Variants in MEOX2 observed in about 807,000 individuals in gnomAD.
The protein encoded by MEOX2 is homeobox protein MOX-2.
MEOX2 carries 11 observed loss-of-function variants against 27.0 expected under a neutral mutation model. That is an observed-to-expected ratio of 0.41 (90% CI 0.26 to 0.68). The LOEUF (loss-of-function observed/expected upper bound fraction) is 0.68. MEOX2 is among the 30% of genes least tolerant of loss of function. The pLI, the probability that MEOX2 is intolerant of heterozygous loss-of-function variation, is 0.33. For synonymous variants in MEOX2, 189 were observed against 155.4 expected (o/e 1.22, Z -1.61); for missense variants, 436 against 385.4 (o/e 1.13, Z -1.10).
At chr7:15,654,880 A>T (rs1781794233) in intron 1 of MEOX2, among the ~76,000 whole-genome samples, 1 of 151,702 alleles carries the variant, frequency 6.6e-6, no homozygotes, top group Admixed American at 6.6e-5. Flanking sequence ...TTTTGATATT[A>T]CAATAATACT....
Position 15,612,017 on chromosome 7 carries a change from A to G in MEOX2, c.*370T>C. On this transcript the variant is annotated 3_prime_UTR_variant, in exon 3 of 3. Transcript: ENST00000262041. ...CTCACACATCTGGAATGTTCAATGC[A>G]AGTTCATCCTCGGCATCTTCACTCT... 8.0e-6 allele frequency: 2 copies of G among 250,768 alleles called. No individual in the cohort carries two copies. Among genetic ancestry groups the G allele is most frequent in the Non-Finnish European group, 1.6e-5 (2 of 126,382 alleles). The allele number at this position is 250,768 out of a possible 1,614,324, so 15.5% of individuals were successfully genotyped here. A position where few individuals can be genotyped will look rare whatever the true frequency, so the allele number is the denominator to read the frequency against.
At chr7:15,619,766 C>T (rs1781191274) in intron 2 of MEOX2, among the ~76,000 whole-genome samples, 1 of 151,782 alleles carries the variant, frequency 6.6e-6, no homozygotes, top group Non-Finnish European at 1.5e-5. Flanking sequence ...TTCTTAAGGC[C>T]AGTTCAATAA....
chr7:15,629,671 G>C (rs17168931), intron 1 of MEOX2, among the ~76,000 whole-genome samples: 8,489 of 152,124 alleles, frequency 0.056, 355 homozygotes, highest in African/African-American at 0.12. Context: ...TTGTAGTGTG[G>C]TTTCCATCAC....
At chr7:15,644,499 G>A (rs1250123166) in intron 1 of MEOX2, among the ~76,000 whole-genome samples, 1 of 152,096 alleles carries the variant, frequency 6.6e-6, no homozygotes, top group Non-Finnish European at 1.5e-5. Flanking sequence ...GAAGAACATA[G>A]ACCCAAGAAA....
At chr7:15,634,731 C>T (rs988447014) in intron 1 of MEOX2, among the ~76,000 whole-genome samples, 3 of 152,076 alleles carry the variant, frequency 2.0e-5, no homozygotes, top group African/African-American at 7.2e-5. Flanking sequence ...AATAATCCCA[C>T]CTTTATACTG....
chr7:15,672,243 A>G (rs537516113), intron 1 of MEOX2, among the ~76,000 whole-genome samples: 6 of 152,304 alleles, frequency 3.9e-5, no homozygotes, highest in Admixed American at 1.3e-4. Context: ...CAGTTGTCCA[A>G]TGATTCCATG....
At chr7:15,667,911 GT>G (rs1318872209) in intron 1 of MEOX2, 6 of 152,144 alleles carry the variant, frequency 3.9e-5, no homozygotes, top group Admixed American at 3.9e-4. Flanking sequence ...TGTGCCTCTT[GT>G]GTTAAGCAGT....
In MEOX2 at chr7:15,686,150, G is replaced by C. The variant is rs370719073; in HGVS notation, c.253C>G (p.His85Asp). Reference protein sequence around the residue: ...HHHHHHQQQQHQALQTNWHLP... With the variant: ...HHHHHHQQQQDQALQTNWHLP... ...TGCCAGTTGGTTTGCAGAGCCTGGT[G>C]CTGCTGCTGCTGATGGTGGTGATGG... is the stretch of plus-strand genomic sequence containing the variant. The change falls in exon 1 of 3, where the codon CAC becomes GAC. Residue 85 changes from histidine to aspartate, a missense_variant. Transcript: ENST00000262041. 31 of 1,568,040 alleles carry C rather than the reference G, an allele frequency of 2.0e-5. No homozygotes were observed. Among genetic ancestry groups the C allele is most frequent in the Middle Eastern group, 1.7e-4 (1 of 6,014 alleles).
intron 1 of MEOX2, among the ~76,000 whole-genome samples, chr7:15,648,241 AAC>A (rs1339115599): frequency 2.6e-5 from 4 of 152,132 alleles, no homozygotes; most frequent in Non-Finnish European, 5.9e-5. Flanking sequence ...TTACAGATAA[AAC>A]ACAGCTATTT....
chr7:15,682,344 G>T (rs1782306547), intron 1 of MEOX2, among the ~76,000 whole-genome samples: 1 of 151,714 alleles, frequency 6.6e-6, no homozygotes, highest in Non-Finnish European at 1.5e-5. Context: ...AGGTTGATAA[G>T]GTATTACTCT....
chr7:15,663,063 C>G (rs1292285215), intron 1 of MEOX2, among the ~76,000 whole-genome samples: 1 of 152,156 alleles, frequency 6.6e-6, no homozygotes, highest in Admixed American at 6.5e-5. Flanking sequence ...TATAAATAAC[C>G]AATCTGTAAA....
At chr7:15,674,135 C>T (rs1396928350) in intron 1 of MEOX2, among the ~76,000 whole-genome samples, 2 of 152,010 alleles carry the variant, frequency 1.3e-5, no homozygotes, top group Admixed American at 6.5e-5. Flanking sequence ...TGACATTAGC[C>T]GGTCCCTGTG....
At chr7:15,661,446 T>C (rs1781915501) in intron 1 of MEOX2, among the ~76,000 whole-genome samples, 1 of 152,234 alleles carries the variant, frequency 6.6e-6, no homozygotes, top group Non-Finnish European at 1.5e-5. Flanking sequence ...ACATAAACTA[T>C]GGGGCCTGAA....
At chr7:15,636,435 G>T (rs1351365115) in intron 1 of MEOX2, among the ~76,000 whole-genome samples, 1 of 151,950 alleles carries the variant, frequency 6.6e-6, no homozygotes, top group African/African-American at 2.4e-5. Flanking sequence ...AACAACATAG[G>T]GTTCTAGCTC....
chr7:15,666,994 T>C (rs1782017895), intron 1 of MEOX2, among the ~76,000 whole-genome samples: 1 of 149,784 alleles, frequency 6.7e-6, no homozygotes, highest in African/African-American at 2.5e-5. Flanking sequence ...CATCAGCTTT[T>C]AGAAGTAGGA....
intron 2 of MEOX2, among the ~76,000 whole-genome samples, chr7:15,624,440 G>A (rs1781265971): frequency 6.6e-6 from 1 of 152,156 alleles, no homozygotes; most frequent in Non-Finnish European, 1.5e-5. Context: ...GTCCTACACT[G>A]ACACTGAGTT....
chr7:15,658,014 C>G (rs1183835009), intron 1 of MEOX2, among the ~76,000 whole-genome samples: 5 of 152,190 alleles, frequency 3.3e-5, no homozygotes, highest in Non-Finnish European at 5.9e-5. Context: ...ATTTCTAGCT[C>G]CCCACTCGGC....
At chr7:15,620,012 T>C (rs1248010114) in intron 2 of MEOX2, among the ~76,000 whole-genome samples, 3 of 152,016 alleles carry the variant, frequency 2.0e-5, no homozygotes, top group Non-Finnish European at 4.4e-5. Flanking sequence ...TAGTTTTGAG[T>C]CTAGTTTTTG....
At chr7:15,669,787 A>G (rs1264770767) in intron 1 of MEOX2, among the ~76,000 whole-genome samples, 1 of 152,196 alleles carries the variant, frequency 6.6e-6, no homozygotes, top group Non-Finnish European at 1.5e-5. Flanking sequence ...TCTGTTTCTC[A>G]GCTACCTGAC....
Sources: allele counts gnomAD v4.1 joint callset (sites outside exome capture counted in the v4.1 genomes callset), GRCh38; gene constraint gnomAD v4.1.1; transcripts MANE v1.5; gene names NCBI Gene and HGNC (gene_info 2026-07-23, HGNC 2026-07-21).